HNRNPC: variants seen among roughly 807,000 people sequenced by gnomAD.
HNRNPC encodes the protein heterogeneous nuclear ribonucleoprotein C, also known as heterogeneous nuclear ribonucleoproteins C1/C2.
Under a neutral mutation model 33.2 loss-of-function variants are expected in HNRNPC, and 3 were observed. The observed-to-expected ratio is 0.09, with a 90% CI of 0.04 to 0.23. HNRNPC has a LOEUF of 0.23. HNRNPC is among the 10% of genes least tolerant of loss of function. The pLI, the probability that HNRNPC is intolerant of heterozygous loss-of-function variation, is 1.00. For missense variants in HNRNPC, 143 were observed against 366.7 expected (o/e 0.39, Z 4.98); for synonymous variants, 121 against 126.7 (o/e 0.96, Z 0.30).
intron 2 of HNRNPC, among the ~76,000 whole-genome samples, chr14:21,258,277 C>T (rs1056097418): frequency 6.6e-6 from 1 of 151,948 alleles, no homozygotes; most frequent in Non-Finnish European, 1.5e-5. Context: ...GCAATCCCAG[C>T]TACTCAGGAG....
chr14:21,244,843 G>A lies in HNRNPC; in HGVS notation c.-36-10614C>T, dbSNP rs150358814. ...ACTATAAGAAGTTCTAACACAGGGC[G>A]GGAAAGGTGGTTCACGCCTGTAATC... On this transcript the variant is annotated intron_variant, in intron 2 of 8. Transcript: ENST00000553300. Among the ~76,000 whole-genome samples the A allele has an allele frequency of 1.4e-4, 22 of 152,188 alleles. 1 individual carries two copies. Among genetic ancestry groups the A allele is most frequent in the South Asian group, 1.2e-3 (6 of 4,824 alleles).
chr14:21,222,137 C>G (rs541307099), intron 5 of HNRNPC, among the ~76,000 whole-genome samples: 81 of 151,440 alleles, frequency 5.3e-4, no homozygotes, highest in African/African-American at 1.8e-3. Flanking sequence ...TGAGATACCA[C>G]CACACTCTCA....
rs1280903458 is a variant in HNRNPC, at chr14:21,242,431, C to G, written c.-36-8202G>C. 2.6e-5 allele frequency among the ~76,000 whole-genome samples: 4 copies of G among 152,198 alleles called. 1 individual carries two copies. Among genetic ancestry groups the G allele is most frequent in the African/African-American group, 7.2e-5 (3 of 41,440 alleles). On this transcript the variant is annotated intron_variant, in intron 2 of 8. Transcript: ENST00000553300. ...CCCAAGACGCGGAGGTTGCAGTGAG[C>G]CTAGATCGTGCCACTGCACTCCTGT... is the stretch of plus-strand genomic sequence containing the variant.
At chr14:21,254,710 A>T (rs559029052) in intron 2 of HNRNPC, 1 of 152,276 alleles carries the variant, frequency 6.6e-6, no homozygotes, top group East Asian at 1.9e-4. Context: ...GTTCGAGACC[A>T]GCCTGGCCAG....
In HNRNPC at chr14:21,210,546, T is replaced by G. The variant is rs557994808; in HGVS notation, c.*677A>C. 2.1e-3 allele frequency: 314 copies of G among 148,714 alleles called. No individual in the cohort carries two copies. The highest frequency in any genetic ancestry group is 3.6e-3 in the Non-Finnish European group (240 of 66,728). The allele number at this position is 148,714 out of a possible 1,614,324, so 9.2% of individuals were successfully genotyped here. On this transcript the variant is annotated 3_prime_UTR_variant, in exon 9 of 9. Coordinates refer to ENST00000553300, the MANE Select transcript of HNRNPC (RefSeq NM_004500.4). ...AAAATACAAAAATAAAAAACCAGGG[T>G]TTTTTTTTTCTCCAAATTCCTGGTT... is the stretch of plus-strand genomic sequence containing the variant.
At chr14:21,259,331 C>T (rs190890351) in intron 2 of HNRNPC, among the ~76,000 whole-genome samples, 51 of 152,198 alleles carry the variant, frequency 3.4e-4, no homozygotes, top group African/African-American at 8.4e-4. Context: ...TTTCCTTCAT[C>T]GATCCTTACT....
chr14:21,231,781 G>C (rs946434863), intron 3 of HNRNPC, among the ~76,000 whole-genome samples: 3 of 152,150 alleles, frequency 2.0e-5, no homozygotes, highest in African/African-American at 7.2e-5. Flanking sequence ...TCAAGGTACT[G>C]ACTGTTCACT....
chr14:21,235,174 C>G (rs1894553141), intron 2 of HNRNPC, among the ~76,000 whole-genome samples: 1 of 152,168 alleles, frequency 6.6e-6, no homozygotes, highest in Non-Finnish European at 1.5e-5. Context: ...TGTTTTATTT[C>G]ATTCTTTTAG....
chr14:21,229,343 G>C lies in HNRNPC; in HGVS notation c.365+976C>G, dbSNP rs960890797. 4.1e-5 allele frequency among the ~76,000 whole-genome samples: 6 copies of C among 146,326 alleles called. No homozygotes were observed. In the Admixed American group the frequency reaches 4.2e-4, roughly 10 times the overall value. Reference sequence around the variant, plus strand: ...CCAAGATTGCGCCACTGCACTCCAGGATGGGCGACAGAGCGAGACTGTCTC... The same window carrying C: ...CCAAGATTGCGCCACTGCACTCCAGCATGGGCGACAGAGCGAGACTGTCTC... On this transcript the variant is annotated intron_variant, in intron 5 of 8. Transcript: ENST00000553300.
intron 1 of HNRNPC, chr14:21,268,657 G>C (rs967438522): frequency 6.6e-6 from 1 of 152,154 alleles, no homozygotes; most frequent in African/African-American, 2.4e-5. Flanking sequence ...TATATTTCAA[G>C]TGTTTTGTAA....
At chr14:21,259,896 A>C (rs1051365782) in intron 2 of HNRNPC, among the ~76,000 whole-genome samples, 2 of 150,584 alleles carry the variant, frequency 1.3e-5, no homozygotes, top group African/African-American at 4.9e-5. Flanking sequence ...AAAAAAAAAA[A>C]ACAATAAAAA....
At chr14:21,224,934 A>G (rs945292894) in intron 5 of HNRNPC, among the ~76,000 whole-genome samples, 4 of 152,130 alleles carry the variant, frequency 2.6e-5, no homozygotes, top group Admixed American at 2.0e-4. Context: ...TTACTTATAT[A>G]CTGTATTACT....
intron 1 of HNRNPC, among the ~76,000 whole-genome samples, chr14:21,267,552 A>T (rs546155900): frequency 6.6e-6 from 1 of 152,176 alleles, no homozygotes; most frequent in African/African-American, 2.4e-5. Context: ...TGAGGGGGAA[A>T]AAAAAGGTCA....
intron 2 of HNRNPC, among the ~76,000 whole-genome samples, chr14:21,236,118 C>T (rs1894669119): frequency 6.6e-6 from 1 of 152,112 alleles, no homozygotes; most frequent in South Asian, 2.1e-4. Flanking sequence ...GCAAGGAATT[C>T]ATACCCCACG....
At chr14:21,233,891 A>C in intron 3 of HNRNPC, 62 bp downstream of exon 3, 1 of 1,576,392 alleles carries the variant, frequency 6.3e-7, no homozygotes, top group Non-Finnish European at 8.6e-7. Context: ...TAAAGACAAA[A>C]AAAAAACGTG....
At chr14:21,242,415 C>T (rs972767788) in intron 2 of HNRNPC, among the ~76,000 whole-genome samples, 16 of 152,278 alleles carry the variant, frequency 1.1e-4, no homozygotes, top group African/African-American at 3.6e-4. Context: ...ACCCAAGACG[C>T]GGAGGTTGCA....
intron 1 of HNRNPC, among the ~76,000 whole-genome samples, chr14:21,266,856 C>CA (rs1274898422): frequency 6.6e-6 from 1 of 151,648 alleles, no homozygotes; most frequent in African/African-American, 2.4e-5. Context: ...CTTGGGAGGC[C>CA]AAGGCAGGAG....
At chr14:21,216,878 A>G (rs1892250628) in intron 5 of HNRNPC, among the ~76,000 whole-genome samples, 1 of 152,250 alleles carries the variant, frequency 6.6e-6, no homozygotes, top group Admixed American at 6.5e-5. Flanking sequence ...AATTTAAATA[A>G]CAATATGTCA....
chr14:21,261,359 C>A (rs1039753684), intron 2 of HNRNPC, among the ~76,000 whole-genome samples: 1 of 152,012 alleles, frequency 6.6e-6, no homozygotes, highest in East Asian at 1.9e-4. Context: ...CTGACAGCAG[C>A]AAAGAAGAAA....
Sources: allele counts gnomAD v4.1 joint callset (sites outside exome capture counted in the v4.1 genomes callset), GRCh38; gene constraint gnomAD v4.1.1; transcripts MANE v1.5; gene names NCBI Gene and HGNC (gene_info 2026-07-23, HGNC 2026-07-21).